The following WWOX variants were observed in gnomAD, a reference collection of about 807,000 sequenced individuals.
The protein encoded by WWOX is WW domain containing oxidoreductase, also known as WW domain-containing oxidoreductase.
WWOX carries 69 observed loss-of-function variants against 46.2 expected under a neutral mutation model. The observed-to-expected ratio is 1.49, with a 90% CI of 1.23 to 1.82. The LOEUF is 1.82. Among genes scored for constraint, WWOX ranks in the 40% most tolerant of loss-of-function variants. The pLI, the probability that WWOX is intolerant of heterozygous loss-of-function variation, is 0.00. For synonymous variants in WWOX, 359 were observed against 202.6 expected (o/e 1.77, Z -6.56); for missense variants, 919 against 542.6 (o/e 1.69, Z -6.89).
intron 8 of WWOX, among the ~76,000 whole-genome samples, chr16:78,882,394 C>T (rs542260705): frequency 9.2e-5 from 14 of 152,062 alleles, no homozygotes; most frequent in African/African-American, 3.4e-4. Flanking sequence ...CTTCCATCCT[C>T]TATTTTATTA....
intron 5 of WWOX, among the ~76,000 whole-genome samples, chr16:78,376,960 T>C (rs2081844643): frequency 6.6e-6 from 1 of 152,210 alleles, no homozygotes; most frequent in Admixed American, 6.5e-5. Context: ...TTTTATTGAA[T>C]TTAACCACTA....
intron 5 of WWOX, among the ~76,000 whole-genome samples, chr16:78,248,547 A>C (rs914774825): frequency 9.2e-5 from 14 of 152,226 alleles, no homozygotes; most frequent in African/African-American, 3.4e-4. Flanking sequence ...ACCATCCTGC[A>C]CAATACGGTG....
intron 8 of WWOX, among the ~76,000 whole-genome samples, chr16:78,741,434 T>A (rs188749096): frequency 6.6e-6 from 1 of 152,248 alleles, no homozygotes; most frequent in Admixed American, 6.5e-5. Context: ...GTGGCGCATG[T>A]CTGTAATTAC....
intron 8 of WWOX, among the ~76,000 whole-genome samples, chr16:78,939,411 T>A (rs2045807627): frequency 6.6e-6 from 1 of 152,232 alleles, no homozygotes; most frequent in Admixed American, 6.5e-5. Context: ...CTTTTGATTC[T>A]TGGTTCTTTC....
At chr16:78,276,006 C>G (rs1159699613) in intron 5 of WWOX, among the ~76,000 whole-genome samples, 2 of 152,208 alleles carry the variant, frequency 1.3e-5, no homozygotes, top group African/African-American at 2.4e-5. Flanking sequence ...GGGCTTCATT[C>G]TGCTTTGCAT....
chr16:78,490,167 C>A (rs1327185998), intron 8 of WWOX, among the ~76,000 whole-genome samples: 1 of 143,392 alleles, frequency 7.0e-6, no homozygotes, highest in East Asian at 2.0e-4. Context: ...GTGGCGTTGG[C>A]TTTTACTTGG....
Position 78,499,194 on chromosome 16 carries a change from C to T in WWOX, c.1056+66442C>T, listed in dbSNP as rs567666291. ...CGTATCTAACACTTGAAGGTGTCCACGCTGGCCCTAGCTCAGTGAGATGGC... is the reference window on the plus strand; with the variant it reads ...CGTATCTAACACTTGAAGGTGTCCATGCTGGCCCTAGCTCAGTGAGATGGC... On this transcript the variant is annotated intron_variant, in intron 8 of 8. Coordinates refer to ENST00000566780, the MANE Select transcript of WWOX (RefSeq NM_016373.4). Among the ~76,000 whole-genome samples, 13 of 151,980 alleles carry T rather than the reference C, an allele frequency of 8.6e-5. No individual in the cohort carries two copies. In the South Asian group the frequency reaches 1.2e-3, roughly 15 times the overall value.
intron 4 of WWOX, among the ~76,000 whole-genome samples, chr16:78,125,099 CTTAA>C (rs1268773833): frequency 1.3e-5 from 2 of 152,166 alleles, no homozygotes; most frequent in Non-Finnish European, 2.9e-5. Flanking sequence ...CTACAATGTA[CTTAA>C]TTGTTACAGA....
chr16:79,195,837 G>C (rs388512), intron 8 of WWOX, among the ~76,000 whole-genome samples: 76,970 of 152,066 alleles, frequency 0.51, 20,777 homozygotes, highest in Non-Finnish European at 0.61. Flanking sequence ...GCAAATGTGT[G>C]AGGAATTATA....
intron 8 of WWOX, among the ~76,000 whole-genome samples, chr16:79,149,267 A>G (rs1031785331): frequency 6.6e-6 from 1 of 152,216 alleles, no homozygotes; most frequent in Non-Finnish European, 1.5e-5. Flanking sequence ...CTTTTTATCA[A>G]CTGCTTTTTG....
intron 5 of WWOX, among the ~76,000 whole-genome samples, chr16:78,215,507 G>C (rs1178690049): frequency 6.6e-6 from 1 of 152,182 alleles, no homozygotes; most frequent in Non-Finnish European, 1.5e-5. Flanking sequence ...GCTTGCTTCT[G>C]CTTTGCCTTC....
chr16:78,689,781 C>G (rs935799592), intron 8 of WWOX, among the ~76,000 whole-genome samples: 8 of 152,188 alleles, frequency 5.3e-5, no homozygotes, highest in African/African-American at 1.7e-4. Context: ...TTGCAACAGC[C>G]TTGACCCCTG....
chr16:78,789,240 A>T (rs914088692), intron 8 of WWOX, among the ~76,000 whole-genome samples: 1 of 152,086 alleles, frequency 6.6e-6, no homozygotes, highest in Non-Finnish European at 1.5e-5. Context: ...TTTTCCCTGA[A>T]ACCACCCCTC....
At chr16:78,573,161 C>T (rs1331499167) in intron 8 of WWOX, among the ~76,000 whole-genome samples, 1 of 152,086 alleles carries the variant, frequency 6.6e-6, no homozygotes, top group Non-Finnish European at 1.5e-5. Flanking sequence ...GGCGGGGTGC[C>T]TGTAGTCCCA....
At chr16:78,797,847 G>A (rs761604799) in intron 8 of WWOX, among the ~76,000 whole-genome samples, 16 of 152,134 alleles carry the variant, frequency 1.1e-4, no homozygotes, top group Admixed American at 5.9e-4. Context: ...AATTAGCTGC[G>A]CGTGGTGGCG....
chr16:78,564,738 C>T (rs767359713), intron 8 of WWOX, among the ~76,000 whole-genome samples: 1 of 152,150 alleles, frequency 6.6e-6, no homozygotes. Context: ...CATATGGTAC[C>T]TCTCTGGCAA....
intron 4 of WWOX, among the ~76,000 whole-genome samples, chr16:78,159,242 G>T (rs1226459781): frequency 5.3e-5 from 8 of 152,084 alleles, no homozygotes. Context: ...GTCTTGGCTA[G>T]TATGAATAAT....
chr16:78,283,069 G>A (rs771215559), intron 5 of WWOX, among the ~76,000 whole-genome samples: 1 of 152,026 alleles, frequency 6.6e-6, no homozygotes, highest in Non-Finnish European at 1.5e-5. Context: ...CTGGGGAAGA[G>A]GGCGGCGTGG....
intron 8 of WWOX, among the ~76,000 whole-genome samples, chr16:78,878,426 C>T (rs146639461): frequency 1.6e-4 from 24 of 152,244 alleles, no homozygotes; most frequent in Admixed American, 1.6e-3. Context: ...TCAGTTTATT[C>T]TTCAGCTAAA....
Sources: allele counts gnomAD v4.1 joint callset (sites outside exome capture counted in the v4.1 genomes callset), GRCh38; gene constraint gnomAD v4.1.1; transcripts MANE v1.5; gene names NCBI Gene and HGNC (gene_info 2026-07-23, HGNC 2026-07-21).